Variants in NTNG1 observed in about 807,000 individuals in gnomAD.
NTNG1 encodes the protein netrin-G1.
In NTNG1, 16 loss-of-function variants were observed where a neutral mutation model predicts 54.0. The ratio of observed to expected loss-of-function variants is 0.30; its 90% CI spans 0.20 to 0.45. The LOEUF is 0.45. Among genes scored for constraint, NTNG1 ranks in the 20% least tolerant of loss-of-function variants. NTNG1 has a pLI of 1.00. For missense variants in NTNG1, 530 were observed against 678.7 expected, an observed-to-expected ratio of 0.78 and a Z score of 2.43; for synonymous variants, 255 against 263.1, an observed-to-expected ratio of 0.97 and a Z score of 0.30.
chr1:107,146,725 A>G (rs138651381), intron 1 of NTNG1, among the ~76,000 whole-genome samples: 1 of 152,110 alleles, frequency 6.6e-6, no homozygotes, highest in African/African-American at 2.4e-5. Context: ...TGAATTGAAT[A>G]TAATGAAAAT....
intron 3 of NTNG1, among the ~76,000 whole-genome samples, chr1:107,384,967 T>G (rs1671872897): frequency 6.6e-6 from 1 of 152,226 alleles, no homozygotes; most frequent in Non-Finnish European, 1.5e-5. Flanking sequence ...GGGTTTTTAT[T>G]AATAAAGAAT....
At chr1:107,340,576 A>C (rs1427769184) in intron 3 of NTNG1, among the ~76,000 whole-genome samples, 1 of 152,068 alleles carries the variant, frequency 6.6e-6, no homozygotes, top group Non-Finnish European at 1.5e-5. Context: ...ATTCTATCAG[A>C]TTTTTCTACC....
intron 2 of NTNG1, among the ~76,000 whole-genome samples, chr1:107,172,784 A>T (rs1355757777): frequency 6.6e-6 from 1 of 152,124 alleles, no homozygotes; most frequent in East Asian, 1.9e-4. Context: ...CATAAATAGA[A>T]ATTTGCTATG....
chr1:107,357,656 G>C (rs1165529935), intron 3 of NTNG1, among the ~76,000 whole-genome samples: 6 of 152,004 alleles, frequency 3.9e-5, no homozygotes, highest in Admixed American at 3.9e-4. Context: ...AGCTAACAAA[G>C]AACAAAGGGA....
intron 2 of NTNG1, among the ~76,000 whole-genome samples, chr1:107,312,116 T>C (rs1007272692): frequency 6.6e-5 from 10 of 152,196 alleles, no homozygotes; most frequent in Non-Finnish European, 8.8e-5. Context: ...CAATACTATA[T>C]GGCGGGAGAT....
rs1173985980 is a variant in NTNG1 at position 107,433,911 on chromosome 1, TC to T, written c.1256-2752del. 5.9e-5 allele frequency among the ~76,000 whole-genome samples: 9 copies of T among 152,272 alleles called. No individual in the cohort carries two copies. In the East Asian group the frequency reaches 1.7e-3, roughly 30 times the overall value. On this transcript the variant is annotated intron_variant, in intron 6 of 7. Coordinates refer to ENST00000370068, the MANE Select transcript of NTNG1 (RefSeq NM_001113226.3). ...GACAGCATGAACCTATTTGCTATTT[TC>T]CACAATTAAGATTCCTAAAGGGCTT...
At chr1:107,348,550 A>G (rs569834149) in intron 3 of NTNG1, among the ~76,000 whole-genome samples, 31 of 152,136 alleles carry the variant, frequency 2.0e-4, no homozygotes, top group Non-Finnish European at 3.5e-4. Flanking sequence ...CCACTGTCAG[A>G]TGCACCAGCC....
intron 3 of NTNG1, among the ~76,000 whole-genome samples, chr1:107,386,147 G>GTA (rs1479807179): frequency 0.024 from 2,224 of 94,362 alleles, 80 homozygotes; most frequent in East Asian, 0.073. Flanking sequence ...ATATATATGT[G>GTA]TGTATATATA....
intron 2 of NTNG1, among the ~76,000 whole-genome samples, chr1:107,315,475 G>T (rs1023412291): frequency 6.6e-6 from 1 of 152,092 alleles, no homozygotes; most frequent in Non-Finnish European, 1.5e-5. Flanking sequence ...GCTCATGCAT[G>T]ATCTCCTCTG....
chr1:107,192,434 G>C (rs992961335), intron 2 of NTNG1, among the ~76,000 whole-genome samples: 1 of 151,984 alleles, frequency 6.6e-6, no homozygotes, highest in African/African-American at 2.4e-5. Context: ...GTTCTAATGT[G>C]TCTCACTATG....
intron 2 of NTNG1, among the ~76,000 whole-genome samples, chr1:107,263,932 C>T (rs35093017): frequency 2.0e-5 from 3 of 152,146 alleles, no homozygotes; most frequent in East Asian, 1.9e-4. Flanking sequence ...TCTGAAGTTT[C>T]CTATCTTTAA....
At position 107,430,701 on chromosome 1, in the gene NTNG1, A is replaced by G. The variant is rs772455790; in HGVS notation, c.1088-49A>G. The G allele has an allele frequency of 1.9e-6, 3 of 1,582,380 alleles. No individual in the cohort carries two copies. In the African/African-American group the frequency reaches 4.0e-5, roughly 21 times the overall value. ...TTACCCAAGCATGTAGTATGCTATT[A>G]CTCTGCTACTGTATACACTCTGTAT... On this transcript the variant is annotated intron_variant, in intron 5 of 7. Coordinates refer to ENST00000370068, the MANE Select transcript of NTNG1 (RefSeq NM_001113226.3).
At chr1:107,444,490 C>A (rs1187279144) in intron 7 of NTNG1, among the ~76,000 whole-genome samples, 3 of 152,116 alleles carry the variant, frequency 2.0e-5, no homozygotes, top group Non-Finnish European at 4.4e-5. Flanking sequence ...AGGGCAAATG[C>A]AGACAGTGGA....
intron 2 of NTNG1, among the ~76,000 whole-genome samples, chr1:107,163,243 A>G (rs755079285): frequency 3.3e-5 from 5 of 152,164 alleles, no homozygotes; most frequent in Non-Finnish European, 5.9e-5. Flanking sequence ...TAACATGGGG[A>G]AGTGCATACC....
intron 2 of NTNG1, among the ~76,000 whole-genome samples, chr1:107,189,350 C>CA (rs34104583): frequency 0.075 from 8,494 of 113,146 alleles, 1,127 homozygotes; most frequent in African/African-American, 0.26. Context: ...GACCTTGTCT[C>CA]AAAAAAAAAA....
intron 3 of NTNG1, among the ~76,000 whole-genome samples, chr1:107,344,012 C>T (rs1026394449): frequency 6.6e-6 from 1 of 151,916 alleles, no homozygotes; most frequent in Non-Finnish European, 1.5e-5. Context: ...AACAATGATC[C>T]TGAGTCCTTA....
chr1:107,150,660 T>G (rs1016870346), intron 2 of NTNG1, among the ~76,000 whole-genome samples: 1 of 152,194 alleles, frequency 6.6e-6, no homozygotes, highest in African/African-American at 2.4e-5. Context: ...AGGTGTGATT[T>G]GTGGGTGCAG....
intron 3 of NTNG1, among the ~76,000 whole-genome samples, chr1:107,394,036 C>A (rs530041521): frequency 6.6e-6 from 1 of 151,092 alleles, no homozygotes; most frequent in East Asian, 1.9e-4. Flanking sequence ...CACACATAAA[C>A]ACACACACAC....
At position 107,200,955 on chromosome 1, in the gene NTNG1, A is replaced by C. The variant is rs185821519; in HGVS notation, c.246+52116A>C. On this transcript the variant is annotated intron_variant, in intron 2 of 7. Coordinates refer to ENST00000370068, the MANE Select transcript of NTNG1 (RefSeq NM_001113226.3). ...CTCCCTTGAATTGTGTTTGCTTCTT[A>C]TACTGAACATTTACTGTGTTTGTTT... is the stretch of plus-strand genomic sequence containing the variant. 1.8e-3 allele frequency among the ~76,000 whole-genome samples: 268 copies of C among 151,904 alleles called. 1 individual carries two copies. The highest frequency in any genetic ancestry group is 0.014 in the Middle Eastern group (4 of 294).
Sources: gnomAD v4.1 joint callset for allele counts (sites outside exome capture counted in the v4.1 genomes callset) on GRCh38, gnomAD v4.1.1 for gene constraint, MANE v1.5 for transcripts, NCBI Gene and HGNC (gene_info 2026-07-23, HGNC 2026-07-21) for gene names.